TRPM2: variants seen among roughly 807,000 people sequenced by gnomAD.
TRPM2 encodes the protein transient receptor potential cation channel subfamily M member 2.
In TRPM2, 161 loss-of-function variants were observed where a neutral mutation model predicts 174.0. That is an observed-to-expected ratio of 0.93 (90% CI 0.81 to 1.05). TRPM2 has a LOEUF of 1.05. Ranked by LOEUF, TRPM2 falls within the 50% of genes least tolerant of loss-of-function variation. The probability of loss-of-function intolerance (pLI) is 0.00; values close to 1 mark genes in which losing one functional copy is unlikely to be tolerated. For synonymous variants in TRPM2, 954 were observed against 861.3 expected (o/e 1.11, Z -1.88); for missense variants, 2,057 against 2,038.0 (o/e 1.01, Z -0.18).
chr21:44,406,068 G>A (rs1428340482), intron 18 of TRPM2, 31 bp downstream of exon 18: 21 of 1,598,936 alleles, frequency 1.3e-5, no homozygotes, highest in African/African-American at 2.7e-5. Context: ...GCTCCATCGC[G>A]GCCTGCAGCC....
At chr21:44,413,227 C>CTTTTTTTTTTTT (rs958225632) in intron 19 of TRPM2, among the ~76,000 whole-genome samples, 22 of 116,276 alleles carry the variant, frequency 1.9e-4, no homozygotes, top group African/African-American at 5.3e-4. Context: ...CTTTTCAATT[C>CTTTTTTTTTTTT]TTTTTTTTTT....
At chr21:44,417,500 G>A (rs113652674) in intron 20 of TRPM2, among the ~76,000 whole-genome samples, 1 of 95,112 alleles carries the variant, frequency 1.1e-5, no homozygotes. Context: ...CAGTGGGCAC[G>A]TGGGCGTGGC....
In TRPM2 at chr21:44,409,447, T is replaced by G. The variant is rs1213672516; in HGVS notation, c.2962+2682T>G. 2.0e-5 allele frequency among the ~76,000 whole-genome samples: 3 copies of G among 152,178 alleles called. No homozygotes were observed. In the East Asian group the frequency reaches 5.8e-4, roughly 29 times the overall value. On this transcript the variant is annotated intron_variant, in intron 19 of 31. Coordinates refer to ENST00000397928, the MANE Select transcript of TRPM2 (RefSeq NM_003307.4). The stretch of plus-strand genomic sequence containing the variant: ...AGTTTGACTCCACTGATGTCTGTCC[T>G]TGTGCCAGAACCACACTGTCTTGGT...
chr21:44,436,174 G>A (rs915798145), intron 28 of TRPM2, among the ~76,000 whole-genome samples: 3 of 152,150 alleles, frequency 2.0e-5, no homozygotes, highest in African/African-American at 7.2e-5. Flanking sequence ...CCCAAGGCAC[G>A]GGCCGCCTTC....
At chr21:44,403,475 CACACATGCAT>C (rs1269213207) in intron 16 of TRPM2, among the ~76,000 whole-genome samples, 4 of 152,034 alleles carry the variant, frequency 2.6e-5, no homozygotes, top group South Asian at 2.1e-4. Flanking sequence ...CACACATGCA[CACACATGCAT>C]ACACATACAG....
intron 9 of TRPM2, among the ~76,000 whole-genome samples, chr21:44,389,062 A>G (rs1468550256): frequency 6.6e-6 from 1 of 152,070 alleles, no homozygotes; most frequent in African/African-American, 2.4e-5. Context: ...ATATTCCCTC[A>G]TGGCCCTTTG....
rs917798500 is a variant in TRPM2 at position 44,376,890 on chromosome 21, G to A, written c.953-822G>A. ...GGCTGAGAACTTGCATTAGGAGCAC[G>A]TTCCCTGGTGAGGGCGATGCTGCAG... is the stretch of plus-strand genomic sequence containing the variant. On this transcript the variant is annotated intron_variant, in intron 6 of 31. Transcript: ENST00000397928. This position sits in a 1 kb window ranked among gnomAD's most constrained non-coding sequence, Gnocchi z 4.2. Among the ~76,000 whole-genome samples the A allele has an allele frequency of 2.0e-5, 3 of 151,960 alleles. No homozygotes were observed. Among genetic ancestry groups the A allele is most frequent in the African/African-American group, 2.4e-5 (1 of 41,266 alleles).
At chr21:44,419,704 GTGGTGA>G (rs1399265333) in intron 22 of TRPM2, among the ~76,000 whole-genome samples, 12 of 151,966 alleles carry the variant, frequency 7.9e-5, no homozygotes, top group Admixed American at 7.9e-4. Flanking sequence ...AATGGAAGTG[GTGGTGA>G]TGGTGGTGGT....
intron 27 of TRPM2, among the ~76,000 whole-genome samples, chr21:44,428,932 C>T (rs910849032): frequency 1.3e-5 from 2 of 152,250 alleles, no homozygotes; most frequent in African/African-American, 2.4e-5. Flanking sequence ...TTTGCCACAG[C>T]GTTGCAGTAA....
Position 44,397,786 on chromosome 21 carries a change from A to G in TRPM2, c.1972A>G (p.Ile658Val), listed in dbSNP as rs571337729. 2 of 1,602,662 alleles carry G rather than the reference A, an allele frequency of 1.2e-6. No individual in the cohort carries two copies. Among genetic ancestry groups the G allele is most frequent in the Admixed American group, 3.4e-5 (2 of 58,826 alleles). The change falls in exon 13 of 32, where the codon ATC (isoleucine) becomes GTC (valine). Residue 658 changes from isoleucine to valine, a missense_variant. Transcript: ENST00000397928. ...CGCAGCGGCCTTGGCCTGCAGCAAG[A>G]TCCTGAAGGAACTGTCCAAGGAGGA... ...CIAAALACSK[I>V]LKELSKEEED...
upstream of TRPM2, among the ~76,000 whole-genome samples, chr21:44,350,787 G>A (rs1406156993): frequency 2.0e-5 from 3 of 152,110 alleles, no homozygotes; most frequent in Non-Finnish European, 2.9e-5. Flanking sequence ...TGGGAGCCGG[G>A]TGCGGTCTGT....
At chr21:44,356,057 T>C (rs374983543) in intron 2 of TRPM2, among the ~76,000 whole-genome samples, 24 of 146,146 alleles carry the variant, frequency 1.6e-4, no homozygotes, top group African/African-American at 5.5e-4. Flanking sequence ...AAAATTTGTA[T>C]TTTTGGGCCG....
Position 44,354,067 on chromosome 21 carries a change from C to T in TRPM2, c.165+202C>T, listed in dbSNP as rs1019522455. Among the ~76,000 whole-genome samples, 2 of 152,180 alleles carry T rather than the reference C, an allele frequency of 1.3e-5. No homozygotes were observed. Among genetic ancestry groups the T allele is most frequent in the Non-Finnish European group, 2.9e-5 (2 of 68,030 alleles). ...TTCTGTGGGTTGCATGACCATTTCCCATGGTTGGTCTGATTGGGAAATCAC... is the reference window on the plus strand; with the variant it reads ...TTCTGTGGGTTGCATGACCATTTCCTATGGTTGGTCTGATTGGGAAATCAC... On this transcript the variant is annotated intron_variant, in intron 1 of 31. Transcript: ENST00000397928. The surrounding 1 kb of genome is among the most constrained non-coding windows in gnomAD (Gnocchi z 4.3).
At chr21:44,384,568 CATT>C (rs2048969224) in intron 9 of TRPM2, among the ~76,000 whole-genome samples, 2 of 152,200 alleles carry the variant, frequency 1.3e-5, no homozygotes, top group South Asian at 4.1e-4. Context: ...CAAAATAAGA[CATT>C]AATCCATTCA....
In TRPM2 at chr21:44,354,088, A is replaced by G. The variant is rs2047989020; in HGVS notation, c.165+223A>G. Among the ~76,000 whole-genome samples, 1 of 152,152 alleles carries G rather than the reference A, an allele frequency of 6.6e-6. No individual in the cohort carries two copies. Among genetic ancestry groups the G allele is most frequent in the African/African-American group, 2.4e-5 (1 of 41,416 alleles). On this transcript the variant is annotated intron_variant, in intron 1 of 31. Coordinates refer to ENST00000397928, the MANE Select transcript of TRPM2 (RefSeq NM_003307.4). The surrounding 1 kb of genome is among the most constrained non-coding windows in gnomAD (Gnocchi z 4.3). Reference sequence around the variant, plus strand: ...TTCCCATGGTTGGTCTGATTGGGAAATCACCGGGTTAACTCAAAAATGTTG... The same window carrying G: ...TTCCCATGGTTGGTCTGATTGGGAAGTCACCGGGTTAACTCAAAAATGTTG...
rs137941738 is a variant in TRPM2 at position 44,376,982 on chromosome 21, A to G, written c.953-730A>G. On this transcript the variant is annotated intron_variant, in intron 6 of 31. Coordinates refer to ENST00000397928, the MANE Select transcript of TRPM2 (RefSeq NM_003307.4). This position sits in a 1 kb window ranked among gnomAD's most constrained non-coding sequence, Gnocchi z 4.2. ...AGTAGGAGCACGTTCCCTGGTGAGG[A>G]CGATGCTGCAGTTCAGGGACCAGGG... is the stretch of plus-strand genomic sequence containing the variant. 3.1e-4 allele frequency among the ~76,000 whole-genome samples: 44 copies of G among 143,776 alleles called. No individual in the cohort carries two copies. Among genetic ancestry groups the G allele is most frequent in the African/African-American group, 1.1e-3 (39 of 36,826 alleles). 94.3% of individuals were successfully genotyped at this position (143,776 alleles called of 152,430 possible). A position where few individuals can be genotyped will look rare whatever the true frequency, so the allele number is the denominator to read the frequency against.
At chr21:44,374,103 C>T (rs532029088) in intron 5 of TRPM2, among the ~76,000 whole-genome samples, 9 of 152,058 alleles carry the variant, frequency 5.9e-5, no homozygotes, top group South Asian at 4.2e-4. Context: ...CTCCACCTTC[C>T]GGGTTCAAGC....
rs1199685412 is a variant in TRPM2, at chr21:44,379,286, C to T, written c.1215+89C>T. On this transcript the variant is annotated intron_variant, in intron 8 of 31. Transcript: ENST00000397928. ...GTGGGCAGGACCAGGACTCATGGAC[C>T]GATGCGGAGAACCCACTGGGTCTGA... The T allele has an allele frequency of 2.3e-5, 34 of 1,462,574 alleles. 1 individual carries two copies. The highest frequency in any genetic ancestry group is 3.5e-4 in the Middle Eastern group (2 of 5,698). The allele number at this position is 1,462,574 out of a possible 1,614,324, so 90.6% of individuals were successfully genotyped here.
At chr21:44,420,577 T>C (rs1260159497) in intron 22 of TRPM2, among the ~76,000 whole-genome samples, 2 of 152,208 alleles carry the variant, frequency 1.3e-5, no homozygotes, top group East Asian at 3.8e-4. Flanking sequence ...CCTGGGGCCA[T>C]GCAGTGCCCT....
Sources: gnomAD v4.1 joint callset for allele counts (sites outside exome capture counted in the v4.1 genomes callset) on GRCh38, gnomAD v4.1.1 for gene constraint, Gnocchi (gnomAD v3.1) non-coding constraint, MANE v1.5 for transcripts, NCBI Gene and HGNC (gene_info 2026-07-23, HGNC 2026-07-21) for gene names.